Variants in ITPR2 observed in about 807,000 individuals in gnomAD.
ITPR2 encodes the protein inositol 1,4,5-trisphosphate receptor type 2.
A neutral mutation model predicts 317.1 loss-of-function variants in ITPR2; 207 were observed. That is an observed-to-expected ratio of 0.65 (90% CI 0.58 to 0.73). The LOEUF (loss-of-function observed/expected upper bound fraction) is 0.73, where lower values mean the gene tolerates loss of function less well. ITPR2 is among the 30% of genes least tolerant of loss of function. The pLI is 0.00. For missense variants in ITPR2, 2,613 were observed against 3,284.0 expected, an observed-to-expected ratio of 0.80 and a Z score of 4.99; for synonymous variants, 1,156 against 1,149.1, an observed-to-expected ratio of 1.01 and a Z score of -0.12.
rs370449235 is a variant in ITPR2 at position 26,624,355 on chromosome 12, A to G, written c.3066T>C (p.Ala1022=). Residue 1022 remains alanine, a splice_region_variant and synonymous_variant, in exon 24 of 57, where the codon GCT becomes GCC. Transcript: ENST00000381340. ...CAATTTCATCTATATCAGGAACAAT[A>G]GCTGCAAAGATAAATGGTAAAATCT... is the stretch of plus-strand genomic sequence containing the variant. ...SGSPDTLLPS[A]IVPDIDEIAA... 1 of 1,605,000 alleles carries G rather than the reference A, an allele frequency of 6.2e-7. No homozygotes were observed. The highest frequency in any genetic ancestry group is 1.7e-5 in the Admixed American group (1 of 59,096).
At chr12:26,534,045 C>T (rs1944017129) in intron 37 of ITPR2, among the ~76,000 whole-genome samples, 1 of 152,182 alleles carries the variant, frequency 6.6e-6, no homozygotes, top group Admixed American at 6.5e-5. Context: ...GCATCTAATC[C>T]CTGATCCAGA....
intron 30 of ITPR2, among the ~76,000 whole-genome samples, chr12:26,597,860 T>TGGTG (rs1945889020): frequency 6.6e-6 from 1 of 152,198 alleles, no homozygotes; most frequent in Non-Finnish European, 1.5e-5. Context: ...TGAGATACAT[T>TGGTG]GGTGGGTAAC....
intron 34 of ITPR2, among the ~76,000 whole-genome samples, chr12:26,565,284 G>C (rs1233036443): frequency 1.3e-5 from 2 of 152,124 alleles, no homozygotes; most frequent in Non-Finnish European, 1.5e-5. Flanking sequence ...AGATCCATCA[G>C]CTATTTCCAT....
chr12:26,679,731 C>A (rs187190424), intron 13 of ITPR2, among the ~76,000 whole-genome samples: 312 of 151,412 alleles, frequency 2.1e-3, no homozygotes, highest in African/African-American at 7.1e-3. Flanking sequence ...TTTTGCTTTT[C>A]TTTTTTCTTT....
chr12:26,732,025 C>A (rs1284384440), intron 2 of ITPR2, among the ~76,000 whole-genome samples: 1 of 151,238 alleles, frequency 6.6e-6, no homozygotes, highest in Non-Finnish European at 1.5e-5. Flanking sequence ...ATCTATCCCC[C>A]CACCTGCCTT....
chr12:26,487,398 TTTCTTGTACTA>T, intron 39 of ITPR2, 147 bp from the exon 40 acceptor site: 1 of 577,996 alleles, frequency 1.7e-6, no homozygotes, highest in Non-Finnish European at 3.0e-6. Context: ...CCTTTGCCAG[TTTCTTGTACTA>T]TTTAATGTGT....
At chr12:26,716,601 C>T (rs1413904845) in intron 5 of ITPR2, among the ~76,000 whole-genome samples, 2 of 151,996 alleles carry the variant, frequency 1.3e-5, no homozygotes, top group Admixed American at 1.3e-4. Flanking sequence ...CATCTGTCAC[C>T]ACAAAAAAGT....
At chr12:26,809,091 G>C (rs1390385731) in intron 1 of ITPR2, among the ~76,000 whole-genome samples, 1 of 152,132 alleles carries the variant, frequency 6.6e-6, no homozygotes, top group Admixed American at 6.5e-5. Context: ...CAAAAGGAAA[G>C]GCATCTCCTC....
At chr12:26,682,773 T>C in intron 11 of ITPR2, 100 bp from the exon 12 acceptor site, 1 of 670,914 alleles carries the variant, frequency 1.5e-6, no homozygotes, top group Non-Finnish European at 2.5e-6. Flanking sequence ...CATAAATACA[T>C]ATTAACTAGT....
At chr12:26,380,869 A>G (rs1243384043) in intron 55 of ITPR2, among the ~76,000 whole-genome samples, 1 of 152,214 alleles carries the variant, frequency 6.6e-6, no homozygotes, top group Non-Finnish European at 1.5e-5. Flanking sequence ...AACATTTGGG[A>G]AATTGCTAGT....
chr12:26,440,690 G>A (rs1311561668), intron 46 of ITPR2, among the ~76,000 whole-genome samples: 2 of 151,902 alleles, frequency 1.3e-5, no homozygotes, highest in African/African-American at 4.8e-5. Flanking sequence ...AAAATAATTG[G>A]ACATATTTGA....
At chr12:26,391,170 T>C (rs188304798) in intron 54 of ITPR2, among the ~76,000 whole-genome samples, 1 of 152,328 alleles carries the variant, frequency 6.6e-6, no homozygotes. Flanking sequence ...CTGACAACTA[T>C]AAAGATGTCT....
Position 26,358,067 on chromosome 12 carries a change from AT to A in ITPR2, c.7858-17740del, listed in dbSNP as rs529990253. Among the ~76,000 whole-genome samples the A allele has an allele frequency of 1.5e-3, 231 of 152,262 alleles. 3 individuals carry two copies. Among genetic ancestry groups the A allele is most frequent in the African/African-American group, 5.3e-3 (220 of 41,520 alleles). ...GATATGATCATGCAAGGCAGAAAAG[AT>A]TTATCTGGGGTCTATGGATAAAGAA... On this transcript the variant is annotated intron_variant, in intron 55 of 56. Coordinates refer to ENST00000381340, the MANE Select transcript of ITPR2 (RefSeq NM_002223.4).
At chr12:26,798,318 C>T (rs7961772) in intron 1 of ITPR2, among the ~76,000 whole-genome samples, 24,496 of 152,174 alleles carry the variant, frequency 0.16, 2,713 homozygotes, top group Non-Finnish European at 0.24. Context: ...TGTTCCCACA[C>T]GTTCCTCGTA....
intron 48 of ITPR2, among the ~76,000 whole-genome samples, chr12:26,429,956 T>C (rs1339750306): frequency 6.6e-6 from 1 of 152,224 alleles, no homozygotes. Context: ...TGATAAACTA[T>C]TCACCTCTTC....
chr12:26,738,479 T>C (rs1305644749), intron 2 of ITPR2, among the ~76,000 whole-genome samples: 1 of 152,142 alleles, frequency 6.6e-6, no homozygotes, highest in Non-Finnish European at 1.5e-5. Flanking sequence ...GTTCTTCTCT[T>C]GGCATTTTTT....
chr12:26,715,647 C>T (rs1948727834), intron 7 of ITPR2, 105 bp downstream of exon 7: 1 of 809,956 alleles, frequency 1.2e-6, no homozygotes, highest in East Asian at 2.5e-5. Context: ...TGTGTAGTCA[C>T]ATTCTAAATT....
At chr12:26,391,659 G>C (rs747708251) in intron 54 of ITPR2, among the ~76,000 whole-genome samples, 4 of 143,084 alleles carry the variant, frequency 2.8e-5, no homozygotes, top group Non-Finnish European at 4.5e-5. Context: ...CGACCTTCCA[G>C]GTTTAAGCGA....
chr12:26,708,645 G>T (rs1283201069), intron 9 of ITPR2, among the ~76,000 whole-genome samples: 1 of 152,148 alleles, frequency 6.6e-6, no homozygotes, highest in Non-Finnish European at 1.5e-5. Context: ...TGATTAATGG[G>T]TACAAAAATA....
Sources: gnomAD v4.1 joint callset for allele counts (sites outside exome capture counted in the v4.1 genomes callset) on GRCh38, gnomAD v4.1.1 for gene constraint, MANE v1.5 for transcripts, NCBI Gene and HGNC (gene_info 2026-07-23, HGNC 2026-07-21) for gene names.